Variants in NCKAP5 observed in about 807,000 individuals in gnomAD.
NCKAP5 encodes NCK associated protein 5, also known as nck-associated protein 5.
A neutral mutation model predicts 167.0 loss-of-function variants in NCKAP5; 92 were observed. That is an observed-to-expected ratio of 0.55 (90% CI 0.47 to 0.66). The LOEUF is 0.66. Ranked by LOEUF, NCKAP5 falls within the 30% of genes least tolerant of loss-of-function variation. The pLI is 0.00. For missense variants in NCKAP5, 2,378 were observed against 2,315.0 expected (o/e 1.03, Z -0.56); for synonymous variants, 891 against 877.4 (o/e 1.02, Z -0.27).
chr2:133,117,354 T>C (rs2082115023), intron 6 of NCKAP5: 1 of 152,242 alleles, frequency 6.6e-6, no homozygotes, highest in African/African-American at 2.4e-5. Flanking sequence ...TCTTTCCTCA[T>C]GCTCTGAGAC....
intron 4 of NCKAP5, among the ~76,000 whole-genome samples, chr2:133,242,398 C>T (rs1559308201): frequency 6.6e-6 from 1 of 151,358 alleles, no homozygotes; most frequent in African/African-American, 2.4e-5. Flanking sequence ...GAGGTGATAC[C>T]CAAATATAAA....
chr2:132,852,198 C>T (rs1001884773), intron 11 of NCKAP5, among the ~76,000 whole-genome samples: 2 of 152,126 alleles, frequency 1.3e-5, no homozygotes, highest in Non-Finnish European at 2.9e-5. Context: ...ACATTTACTG[C>T]ACAAAATTTA....
chr2:133,219,706 T>G (rs556966172), intron 4 of NCKAP5, among the ~76,000 whole-genome samples: 1 of 152,322 alleles, frequency 6.6e-6, no homozygotes, highest in South Asian at 2.1e-4. Flanking sequence ...TGGAGTTTTT[T>G]TTTTTTAAGT....
chr2:133,223,216 T>C (rs1395010676), intron 4 of NCKAP5, among the ~76,000 whole-genome samples: 1 of 152,212 alleles, frequency 6.6e-6, no homozygotes, highest in Non-Finnish European at 1.5e-5. Flanking sequence ...ATTACTCTCA[T>C]TTATGCCTTG....
chr2:133,130,794 C>T (rs896994667), intron 5 of NCKAP5, among the ~76,000 whole-genome samples: 1 of 152,204 alleles, frequency 6.6e-6, no homozygotes, highest in African/African-American at 2.4e-5. Flanking sequence ...CTCAGATCCT[C>T]CTGATAGCAC....
chr2:133,424,516 G>A (rs977804199), intron 3 of NCKAP5, among the ~76,000 whole-genome samples: 4 of 152,210 alleles, frequency 2.6e-5, no homozygotes, highest in Non-Finnish European at 5.9e-5. Context: ...AGGCTTAATA[G>A]ATGAGTTTTC....
At chr2:133,230,609 T>G (rs765170609) in intron 4 of NCKAP5, among the ~76,000 whole-genome samples, 11 of 152,186 alleles carry the variant, frequency 7.2e-5, no homozygotes, top group Non-Finnish European at 1.3e-4. Context: ...GATCCAGTAA[T>G]AACACATTTA....
At chr2:132,960,892 C>G (rs1448885997) in intron 8 of NCKAP5, among the ~76,000 whole-genome samples, 1 of 152,092 alleles carries the variant, frequency 6.6e-6, no homozygotes, top group Non-Finnish European at 1.5e-5. Context: ...TCCACAACAC[C>G]AGGGGCCAAG....
chr2:133,633,053 C>T, the NCKAP5 span, among the ~76,000 whole-genome samples: 1 of 152,168 alleles, frequency 6.6e-6, no homozygotes, highest in Admixed American at 6.5e-5. Context: ...CCCAAATCCT[C>T]ATAGAAACAA....
chr2:133,183,955 T>A (rs990631005), intron 5 of NCKAP5, among the ~76,000 whole-genome samples: 8 of 152,246 alleles, frequency 5.3e-5, no homozygotes, highest in South Asian at 2.1e-4. Flanking sequence ...ATTTATATTT[T>A]TATTTTTATT....
In NCKAP5 at chr2:132,987,458, T is replaced by C. The variant is rs564926105; in HGVS notation, c.429+6694A>G. Among the ~76,000 whole-genome samples the C allele has an allele frequency of 5.3e-5, 8 of 152,312 alleles. No homozygotes were observed. In the South Asian group the frequency reaches 1.4e-3, roughly 28 times the overall value. On this transcript the variant is annotated intron_variant, in intron 7 of 19. Coordinates refer to ENST00000409261, the MANE Select transcript of NCKAP5 (RefSeq NM_207363.3). ...AACTGGAAAAGGGTCTCTTTCCCCA[T>C]GCTTAATTACATCTAAGAGTATGTT...
At chr2:133,249,387 G>A (rs1015091651) in intron 4 of NCKAP5, among the ~76,000 whole-genome samples, 1 of 152,182 alleles carries the variant, frequency 6.6e-6, no homozygotes, top group Non-Finnish European at 1.5e-5. Flanking sequence ...AGAAAGTGGG[G>A]AAGGTTAAAT....
chr2:133,097,185 G>A (rs576722378), intron 6 of NCKAP5, among the ~76,000 whole-genome samples: 1 of 152,292 alleles, frequency 6.6e-6, no homozygotes, highest in South Asian at 2.1e-4. Context: ...AGGAGGCATG[G>A]AGCAGCTGCC....
chr2:133,050,526 T>C (rs1289148630), intron 6 of NCKAP5, among the ~76,000 whole-genome samples: 1 of 152,174 alleles, frequency 6.6e-6, no homozygotes, highest in East Asian at 1.9e-4. Flanking sequence ...CATGAAAAGA[T>C]GATAACACAC....
intron 2 of NCKAP5, 148 bp from the exon 3 acceptor site, chr2:133,517,735 A>G (rs886617714): frequency 1.6e-5 from 6 of 371,656 alleles, no homozygotes; most frequent in Non-Finnish European, 1.9e-5. Context: ...TACTCAAAAG[A>G]CCACTCCGTG....
At chr2:133,552,662 G>T (rs1687432246) in intron 2 of NCKAP5, among the ~76,000 whole-genome samples, 2 of 143,064 alleles carry the variant, frequency 1.4e-5, no homozygotes, top group African/African-American at 5.2e-5. Context: ...GAGTTAGTGG[G>T]TGCAGTGCAC....
chr2:133,157,809 T>C (rs1246845103), intron 5 of NCKAP5, among the ~76,000 whole-genome samples: 3 of 152,196 alleles, frequency 2.0e-5, no homozygotes, highest in Non-Finnish European at 2.9e-5. Context: ...GATCTACTAA[T>C]GGGAATGCTT....
At chr2:132,934,044 A>G (rs1380997199) in intron 8 of NCKAP5, among the ~76,000 whole-genome samples, 1 of 152,194 alleles carries the variant, frequency 6.6e-6, no homozygotes, top group Non-Finnish European at 1.5e-5. Context: ...GATCTTTGAA[A>G]CAAGTATTTC....
Position 133,224,710 on chromosome 2 carries a change from C to T in NCKAP5, c.144-10931G>A, listed in dbSNP as rs76538823. ...AATTAAAGTAACCCATTTTCTCCTC[C>T]TCCTCTCTGGTACAGAGTGAAATCC... On this transcript the variant is annotated intron_variant, in intron 4 of 19. Coordinates refer to ENST00000409261, the MANE Select transcript of NCKAP5 (RefSeq NM_207363.3). Among the ~76,000 whole-genome samples the T allele has an allele frequency of 3.8e-3, 585 of 152,246 alleles. 4 individuals carry two copies. The highest frequency in any genetic ancestry group is 0.013 in the African/African-American group (555 of 41,538).
Sources: gnomAD v4.1 joint callset for allele counts (sites outside exome capture counted in the v4.1 genomes callset) on GRCh38, gnomAD v4.1.1 for gene constraint, MANE v1.5 for transcripts, NCBI Gene and HGNC (gene_info 2026-07-23, HGNC 2026-07-21) for gene names.